The following POU2F1 variants were observed in gnomAD, a reference collection of about 807,000 sequenced individuals.
The protein encoded by POU2F1 is POU domain, class 2, transcription factor 1.
A neutral mutation model predicts 84.9 loss-of-function variants in POU2F1; 16 were observed. The ratio of observed to expected loss-of-function variants is 0.19; its 90% CI spans 0.13 to 0.29. The LOEUF (loss-of-function observed/expected upper bound fraction) is 0.29. Ranked by LOEUF, POU2F1 falls within the 10% of genes least tolerant of loss-of-function variation. POU2F1 has a pLI of 1.00. For missense variants in POU2F1, 738 were observed against 942.6 expected, an observed-to-expected ratio of 0.78 and a Z score of 2.84; for synonymous variants, 368 against 368.3, an observed-to-expected ratio of 1.00 and a Z score of 0.01.
chr1:167,338,154 C>T, intron 2 of POU2F1: 1 of 467,688 alleles, frequency 2.1e-6, no homozygotes. Flanking sequence ...TTGTCTTCTG[C>T]CATTTCTGAG....
At chr1:167,278,583 A>G (rs1652903223) in intron 1 of POU2F1, among the ~76,000 whole-genome samples, 1 of 152,226 alleles carries the variant, frequency 6.6e-6, no homozygotes. Context: ...TTATCATTCG[A>G]CACAGTTTAG....
chr1:167,316,055 T>C (rs955745959), intron 1 of POU2F1, among the ~76,000 whole-genome samples: 7 of 152,170 alleles, frequency 4.6e-5, no homozygotes, highest in African/African-American at 1.7e-4. Flanking sequence ...TAGTGGTTGT[T>C]AGGGATTAGA....
chr1:167,294,203 G>T (rs1201266670), intron 1 of POU2F1, among the ~76,000 whole-genome samples: 1 of 136,746 alleles, frequency 7.3e-6, no homozygotes. Flanking sequence ...AAAAAAATTA[G>T]CCAGGTGTGG....
chr1:167,423,262 A>G lies in POU2F1; in HGVS notation c.*7452A>G, dbSNP rs574303257. 1 of 152,300 alleles carries G rather than the reference A, an allele frequency of 6.6e-6. No homozygotes were observed. Among genetic ancestry groups the G allele is most frequent in the South Asian group, 2.1e-4 (1 of 4,822 alleles). 9.4% of individuals were successfully genotyped at this position (152,300 alleles called of 1,614,324 possible). A position where few individuals can be genotyped will look rare whatever the true frequency, so the allele number is the denominator to read the frequency against. The stretch of plus-strand genomic sequence containing the variant: ...TGGGCTCTAGGGAGTCAGGTAGTTC[A>G]TTGTTTCGGTGTACTATTGATAGGA... On this transcript the variant is annotated 3_prime_UTR_variant, in exon 16 of 16. Transcript: ENST00000367866.
intron 1 of POU2F1, among the ~76,000 whole-genome samples, chr1:167,252,322 A>G (rs1650792663): frequency 6.6e-6 from 1 of 152,226 alleles, no homozygotes; most frequent in South Asian, 2.1e-4. Flanking sequence ...TATTAGGATT[A>G]TCTGAACAGA....
intron 8 of POU2F1, among the ~76,000 whole-genome samples, chr1:167,386,475 C>T (rs575349547): frequency 5.9e-5 from 9 of 152,306 alleles, no homozygotes; most frequent in South Asian, 4.1e-4. Flanking sequence ...CGTGAGCCAC[C>T]GCACCAGGCT....
At chr1:167,393,126 G>A (rs75461314) in intron 9 of POU2F1, among the ~76,000 whole-genome samples, 1 of 151,900 alleles carries the variant, frequency 6.6e-6, no homozygotes, top group African/African-American at 2.4e-5. Context: ...TTCCTTTTTT[G>A]TTATGTTCTT....
At chr1:167,326,573 T>C (rs945492709) in intron 1 of POU2F1, among the ~76,000 whole-genome samples, 1 of 152,214 alleles carries the variant, frequency 6.6e-6, no homozygotes, top group African/African-American at 2.4e-5. Flanking sequence ...AAAGGGACTT[T>C]TCTTGCCTTT....
intron 1 of POU2F1, among the ~76,000 whole-genome samples, chr1:167,270,882 C>T (rs1057020985): frequency 1.3e-5 from 2 of 152,188 alleles, no homozygotes; most frequent in African/African-American, 2.4e-5. Flanking sequence ...TGGTTTTTCA[C>T]TAACTCCTGA....
chr1:167,300,345 A>G (rs1261843284), intron 1 of POU2F1, among the ~76,000 whole-genome samples: 2 of 152,228 alleles, frequency 1.3e-5, no homozygotes, highest in African/African-American at 4.8e-5. Context: ...TATGGGTTCA[A>G]TAGAAGCCAA....
chr1:167,241,849 T>A (rs1408736463), intron 1 of POU2F1, among the ~76,000 whole-genome samples: 1 of 152,172 alleles, frequency 6.6e-6, no homozygotes, highest in African/African-American at 2.4e-5. Flanking sequence ...TGGAAAGTGG[T>A]AGTGTTAAAA....
chr1:167,267,138 C>T (rs1652018934), intron 1 of POU2F1, among the ~76,000 whole-genome samples: 1 of 149,744 alleles, frequency 6.7e-6, no homozygotes, highest in Non-Finnish European at 1.5e-5. Context: ...TACTATACAC[C>T]ACCAAAAAAT....
chr1:167,256,643 T>C (rs561955397), intron 1 of POU2F1, among the ~76,000 whole-genome samples: 14 of 152,356 alleles, frequency 9.2e-5, no homozygotes, highest in African/African-American at 3.1e-4. Context: ...GTTTATACCA[T>C]ATCATCTCAC....
chr1:167,303,797 G>A (rs1571262243), intron 1 of POU2F1, among the ~76,000 whole-genome samples: 1 of 152,062 alleles, frequency 6.6e-6, no homozygotes, highest in Non-Finnish European at 1.5e-5. Context: ...TTTAGGATTG[G>A]CCCTAGTTCT....
chr1:167,256,701 C>G (rs993092622), intron 1 of POU2F1, among the ~76,000 whole-genome samples: 1 of 152,106 alleles, frequency 6.6e-6, no homozygotes, highest in African/African-American at 2.4e-5. Context: ...GATGTGTTGC[C>G]TTTGAATAAG....
chr1:167,394,093 A>G (rs1414107384), intron 9 of POU2F1, among the ~76,000 whole-genome samples: 1 of 151,880 alleles, frequency 6.6e-6, no homozygotes, highest in Non-Finnish European at 1.5e-5. Flanking sequence ...ATCTCGGCTC[A>G]CTGCAACCTC....
intron 2 of POU2F1, among the ~76,000 whole-genome samples, chr1:167,347,208 T>C (rs1658262031): frequency 6.6e-6 from 1 of 152,244 alleles, no homozygotes; most frequent in African/African-American, 2.4e-5. Flanking sequence ...ATAATGTATT[T>C]TTCCTCTTTA....
chr1:167,344,046 T>G (rs1480244336), intron 2 of POU2F1, among the ~76,000 whole-genome samples: 2 of 152,088 alleles, frequency 1.3e-5, no homozygotes, highest in African/African-American at 4.8e-5. Flanking sequence ...TCGAATAGGA[T>G]GGACACTGAC....
chr1:167,289,239 G>A (rs1264226806), intron 1 of POU2F1, among the ~76,000 whole-genome samples: 1 of 152,092 alleles, frequency 6.6e-6, no homozygotes. Flanking sequence ...AATATTTATT[G>A]ACTTTCTAGG....
Sources: allele counts gnomAD v4.1 joint callset (sites outside exome capture counted in the v4.1 genomes callset), GRCh38; gene constraint gnomAD v4.1.1; transcripts MANE v1.5; gene names NCBI Gene and HGNC (gene_info 2026-07-23, HGNC 2026-07-21).